The following EXOC3 variants were observed in gnomAD, a reference collection of about 807,000 sequenced individuals.
EXOC3 encodes SEC6-like 1.
Under a neutral mutation model 73.7 loss-of-function variants are expected in EXOC3, and 21 were observed. The observed-to-expected ratio is 0.29, with a 90% CI of 0.20 to 0.41. The LOEUF (loss-of-function observed/expected upper bound fraction) is 0.41. EXOC3 is among the 10% of genes least tolerant of loss of function. The probability of loss-of-function intolerance (pLI) is 1.00; values close to 1 mark genes in which losing one functional copy is unlikely to be tolerated. For missense variants in EXOC3, 842 were observed against 985.1 expected, an observed-to-expected ratio of 0.85 and a Z score of 1.95; for synonymous variants, 410 against 389.1, an observed-to-expected ratio of 1.05 and a Z score of -0.63.
intron 9 of EXOC3, among the ~76,000 whole-genome samples, chr5:463,024 G>A (rs1453178139): frequency 6.6e-6 from 1 of 152,192 alleles, no homozygotes; most frequent in Non-Finnish European, 1.5e-5. Context: ...AGAATTGCTT[G>A]AACCCGGGAG....
chr5:446,416 A>C, intron 2 of EXOC3, 67 bp downstream of exon 2: 1 of 1,440,946 alleles, frequency 6.9e-7, no homozygotes, highest in Non-Finnish European at 9.3e-7. Flanking sequence ...CATCACCATG[A>C]TGATTTTGCT....
chr5:465,570 G>A, intron 11 of EXOC3, 148 bp from the exon 12 acceptor site: 1 of 1,033,602 alleles, frequency 9.7e-7, no homozygotes, highest in Non-Finnish European at 1.4e-6. Context: ...CCAGACCCCT[G>A]GCCCTGTCAC....
chr5:454,745 T>G (rs1296670792), intron 4 of EXOC3, among the ~76,000 whole-genome samples: 3 of 152,224 alleles, frequency 2.0e-5, no homozygotes, highest in African/African-American at 7.2e-5. Context: ...AATGAAAATT[T>G]ATTTCAATTT....
At chr5:447,051 C>T (rs566238667) in intron 2 of EXOC3, 1 of 155,730 alleles carries the variant, frequency 6.4e-6, no homozygotes, top group Non-Finnish European at 1.4e-5. Context: ...CCGATTCTGT[C>T]CTGTGGGTCA....
rs1737836541 is a variant in EXOC3, at chr5:456,934, C to T, written c.1092C>T (p.Val364=). The change falls in exon 5 of 13, where the codon GTC becomes GTT. Residue 364 remains valine, a synonymous_variant. Coordinates refer to ENST00000512944, the MANE Select transcript of EXOC3 (RefSeq NM_007277.5). ...TGGAGCTGGCCCCGGAAGTGGATGT[C>T]GGCACCCTGGAGCCATTGCTTTCTC... ...RNVELAPEVD[V]GTLEPLLSPH... is the part of the protein sequence containing the mutation. The T allele has an allele frequency of 2.5e-6, 4 of 1,614,002 alleles. No individual in the cohort carries two copies. The highest frequency in any genetic ancestry group is 1.1e-5 in the South Asian group (1 of 91,076).
intron 12 of EXOC3, 50 bp downstream of exon 12, chr5:465,895 G>A (rs767596685): frequency 1.7e-5 from 26 of 1,559,552 alleles, no homozygotes; most frequent in African/African-American, 4.1e-5. Context: ...GGAGTGGAGC[G>A]GCAGGTCCCT....
intron 11 of EXOC3, 51 bp from the exon 12 acceptor site, chr5:465,667 A>G (rs1415001381): frequency 6.2e-7 from 1 of 1,609,364 alleles, no homozygotes. Flanking sequence ...AGCTGCTCCC[A>G]GCGCCGCGGG....
At chr5:452,841 T>C (rs1193790837) in intron 3 of EXOC3, among the ~76,000 whole-genome samples, 3 of 152,264 alleles carry the variant, frequency 2.0e-5, no homozygotes, top group African/African-American at 7.2e-5. Flanking sequence ...CATAAATATC[T>C]GGCTTTCAAG....
chr5:455,807 T>C lies in EXOC3; in HGVS notation c.1047-1082T>C, dbSNP rs541228814. On this transcript the variant is annotated intron_variant, in intron 4 of 12. Transcript: ENST00000512944. ...TTTTAATAGAGATGGGGTTTCACTGTGTTAGCCAGGATGGTCTCAATCTCC... is the reference window on the plus strand; with the variant it reads ...TTTTAATAGAGATGGGGTTTCACTGCGTTAGCCAGGATGGTCTCAATCTCC... Among the ~76,000 whole-genome samples, 4 of 152,296 alleles carry C rather than the reference T, an allele frequency of 2.6e-5. No individual in the cohort carries two copies. The South Asian group carries it at 8.3e-4, about 32-fold the overall frequency.
At chr5:444,995 C>A (rs1015864909) in intron 1 of EXOC3, 1 of 152,090 alleles carries the variant, frequency 6.6e-6, no homozygotes, top group South Asian at 2.1e-4. Context: ...CAATGTAGGT[C>A]CAGATGAAAA....
intron 3 of EXOC3, among the ~76,000 whole-genome samples, chr5:451,898 G>A (rs760063749): frequency 6.6e-6 from 1 of 152,216 alleles, no homozygotes; most frequent in Non-Finnish European, 1.5e-5. Flanking sequence ...GGCCTCCAAA[G>A]TTTCTGGTGA....
chr5:449,243 A>C (rs553110921), intron 3 of EXOC3, among the ~76,000 whole-genome samples: 1 of 152,280 alleles, frequency 6.6e-6, no homozygotes, highest in South Asian at 2.1e-4. Context: ...ATTGCCTATA[A>C]CTCAGCAATG....
At chr5:464,509 GAACGTTC>G in intron 10 of EXOC3, 97 bp downstream of exon 10, 1 of 1,356,398 alleles carries the variant, frequency 7.4e-7, no homozygotes, top group Non-Finnish European at 1.0e-6. Context: ...CTCCGTGAGT[GAACGTTC>G]ACTTGTTGTC....
intron 2 of EXOC3, among the ~76,000 whole-genome samples, chr5:446,729 C>T (rs1737519449): frequency 6.6e-6 from 1 of 152,034 alleles, no homozygotes; most frequent in Non-Finnish European, 1.5e-5. Flanking sequence ...TGATGGTTGA[C>T]GCCTGTAATC....
chr5:463,487 G>A (rs1424722989), intron 9 of EXOC3, among the ~76,000 whole-genome samples: 1 of 152,188 alleles, frequency 6.6e-6, no homozygotes, highest in African/African-American at 2.4e-5. Flanking sequence ...GGCAGGAGCC[G>A]GAGACGTGGA....
At chr5:446,730 G>A (rs987856209) in intron 2 of EXOC3, among the ~76,000 whole-genome samples, 3 of 152,104 alleles carry the variant, frequency 2.0e-5, no homozygotes, top group Non-Finnish European at 4.4e-5. Context: ...GATGGTTGAC[G>A]CCTGTAATCC....
chr5:464,760 C>T (rs1738089099), intron 10 of EXOC3: 8 of 419,544 alleles, frequency 1.9e-5, no homozygotes, highest in Non-Finnish European at 3.5e-5. Context: ...CCTCTTTCCT[C>T]CAAAGTGCCT....
chr5:451,001 AGAT>A (rs1737645461), intron 3 of EXOC3, among the ~76,000 whole-genome samples: 1 of 152,170 alleles, frequency 6.6e-6, no homozygotes, highest in African/African-American at 2.4e-5. Flanking sequence ...TTTTGATTGA[AGAT>A]TTTAATTAAT....
Position 453,676 on chromosome 5 carries a change from G to C in EXOC3, c.671G>C (p.Arg224Thr), listed in dbSNP as rs1737719364. 2 of 1,613,826 alleles carry C rather than the reference G, an allele frequency of 1.2e-6. No individual in the cohort carries two copies. Among genetic ancestry groups the C allele is most frequent in the Admixed American group, 1.7e-5 (1 of 60,006 alleles). ...ATTGAAAGGGAAGAGAAAATTGACA[G>C]GCGCATACTTGACCGGAAAAAGCAA... ...RIIEREEKIDRRILDRKKQTG... is the reference protein window; with the variant it reads ...RIIEREEKIDTRILDRKKQTG... Residue 224 changes from arginine (R) to threonine (T), a missense_variant, in exon 4 of 13, where the codon AGG becomes ACG. Arg to Thr is a moderately conservative substitution (Grantham distance 71). Transcript: ENST00000512944.
Sources: gnomAD v4.1 joint callset for allele counts (sites outside exome capture counted in the v4.1 genomes callset) on GRCh38, gnomAD v4.1.1 for gene constraint, MANE v1.5 for transcripts, NCBI Gene and HGNC (gene_info 2026-07-23, HGNC 2026-07-21) for gene names.